Variants in SLC8A1 observed in about 807,000 individuals in gnomAD.
SLC8A1 encodes solute carrier family 8 member A1.
Under a neutral mutation model 68.3 loss-of-function variants are expected in SLC8A1, and 18 were observed. The observed-to-expected ratio is 0.26, with a 90% confidence interval of 0.18 to 0.39. SLC8A1 has a LOEUF of 0.39. Among genes scored for constraint, SLC8A1 ranks in the 10% least tolerant of loss-of-function variants. SLC8A1 has a pLI of 1.00. For missense variants in SLC8A1, 985 were observed against 1,156.7 expected (o/e 0.85, Z 2.15); for synonymous variants, 475 against 415.5 (o/e 1.14, Z -1.74).
At chr2:40,405,621 T>C (rs779389472) in intron 2 of SLC8A1, among the ~76,000 whole-genome samples, 5 of 152,212 alleles carry the variant, frequency 3.3e-5, no homozygotes, top group Admixed American at 6.5e-5. Flanking sequence ...TGGTGGTTTA[T>C]GGTTGGTTTG....
At chr2:40,154,246 T>C (rs1413129210) in intron 6 of SLC8A1, among the ~76,000 whole-genome samples, 2 of 151,544 alleles carry the variant, frequency 1.3e-5, no homozygotes, top group South Asian at 2.1e-4. Context: ...AGAAGCCAAA[T>C]GGTAACATTA....
intron 1 of SLC8A1, among the ~76,000 whole-genome samples, chr2:40,433,295 GAACAAGGT>G (rs1698742955): frequency 6.6e-6 from 1 of 152,084 alleles, no homozygotes; most frequent in Non-Finnish European, 1.5e-5. Context: ...CCCATTCCCT[GAACAAGGT>G]AACAATTTCT....
chr2:40,212,481 C>G (rs553301409), intron 2 of SLC8A1, among the ~76,000 whole-genome samples: 2 of 151,930 alleles, frequency 1.3e-5, no homozygotes, highest in African/African-American at 4.8e-5. Context: ...GACGGGGCTT[C>G]GCCATGTTGG....
chr2:40,348,173 A>G (rs1373075180), intron 2 of SLC8A1, among the ~76,000 whole-genome samples: 4 of 152,176 alleles, frequency 2.6e-5, no homozygotes, highest in Non-Finnish European at 5.9e-5. Flanking sequence ...TGCAGAGAGA[A>G]GATTGAACTG....
chr2:40,293,431 T>A (rs1311622248), intron 2 of SLC8A1, among the ~76,000 whole-genome samples: 1 of 152,184 alleles, frequency 6.6e-6, no homozygotes, highest in Non-Finnish European at 1.5e-5. Context: ...CTGTGTCCAG[T>A]TAAATAAACC....
At chr2:40,252,796 G>GTATACATATA (rs2062983566) in intron 2 of SLC8A1, among the ~76,000 whole-genome samples, 2 of 147,796 alleles carry the variant, frequency 1.4e-5, no homozygotes, top group African/African-American at 5.2e-5. Flanking sequence ...ATATATGTGT[G>GTATACATATA]TGTATATATG....
At chr2:40,184,993 A>C (rs1187820548) in intron 2 of SLC8A1, among the ~76,000 whole-genome samples, 2 of 152,106 alleles carry the variant, frequency 1.3e-5, no homozygotes, top group Non-Finnish European at 2.9e-5. Flanking sequence ...AATGGCCAAT[A>C]AGTACATAAA....
At chr2:40,322,972 C>T (rs928450617) in intron 2 of SLC8A1, among the ~76,000 whole-genome samples, 5 of 152,058 alleles carry the variant, frequency 3.3e-5, no homozygotes, top group African/African-American at 1.2e-4. Context: ...AAAGAAGAGG[C>T]ATATTCCATT....
chr2:40,335,431 T>A (rs1023144679), intron 2 of SLC8A1, among the ~76,000 whole-genome samples: 8 of 152,236 alleles, frequency 5.3e-5, no homozygotes, highest in Admixed American at 4.6e-4. Flanking sequence ...AAGTGGTTAG[T>A]CTATAACCAT....
chr2:40,436,731 T>A (rs1304978336), intron 1 of SLC8A1, among the ~76,000 whole-genome samples: 1 of 152,090 alleles, frequency 6.6e-6, no homozygotes, highest in Non-Finnish European at 1.5e-5. Flanking sequence ...ACCAAGCATT[T>A]AAATTTAAAT....
chr2:40,238,347 G>A (rs570251271), intron 2 of SLC8A1, among the ~76,000 whole-genome samples: 50 of 152,316 alleles, frequency 3.3e-4, no homozygotes, highest in Admixed American at 1.4e-3. Flanking sequence ...CGCAGTATTC[G>A]GGTGGGAGTG....
intron 2 of SLC8A1, among the ~76,000 whole-genome samples, chr2:40,386,866 A>T (rs1683727452): frequency 6.6e-6 from 1 of 151,244 alleles, no homozygotes. Flanking sequence ...ATGAATGACA[A>T]CAAACTACCA....
chr2:40,264,843 G>C (rs1250713973), intron 2 of SLC8A1, among the ~76,000 whole-genome samples: 1 of 55,136 alleles, frequency 1.8e-5, no homozygotes, highest in Admixed American at 1.2e-4. Flanking sequence ...AAAACTTAAA[G>C]TATAAAAAAA....
intron 2 of SLC8A1, among the ~76,000 whole-genome samples, chr2:40,236,431 T>G (rs2060381425): frequency 6.6e-6 from 1 of 152,214 alleles, no homozygotes; most frequent in Admixed American, 6.5e-5. Flanking sequence ...AACCCTGCCT[T>G]TTTTTGTTTT....
At chr2:40,444,083 TC>T (rs1460580397) in intron 1 of SLC8A1, among the ~76,000 whole-genome samples, 1 of 152,162 alleles carries the variant, frequency 6.6e-6, no homozygotes, top group African/African-American at 2.4e-5. Context: ...ATGACTATAA[TC>T]CCAGCACTTT....
intron 2 of SLC8A1, among the ~76,000 whole-genome samples, chr2:40,373,106 A>C (rs1335608819): frequency 6.6e-6 from 1 of 152,122 alleles, no homozygotes; most frequent in Non-Finnish European, 1.5e-5. Flanking sequence ...AATGTTTATA[A>C]TCATCAAAAT....
In SLC8A1 at chr2:40,398,330, G is replaced by A. The variant is rs747824745; in HGVS notation, c.1808+30143C>T. On this transcript the variant is annotated intron_variant, in intron 2 of 7. Transcript: ENST00000406785. ...GAGTCTTTTGACCTATGTTACTAAC[G>A]CGTGTATCATATCTAGATCCACTCC... is the stretch of plus-strand genomic sequence containing the variant. Among the ~76,000 whole-genome samples, 139 of 152,130 alleles carry A rather than the reference G, an allele frequency of 9.1e-4. 2 individuals are homozygous for A. Among genetic ancestry groups the A allele is most frequent in the East Asian group, 1.7e-3 (9 of 5,164 alleles).
At chr2:40,488,670 T>A in intron 1 of SLC8A1, among the ~76,000 whole-genome samples, 1 of 152,266 alleles carries the variant, frequency 6.6e-6, no homozygotes, top group Middle Eastern at 3.4e-3. Flanking sequence ...ATCTCCTAAT[T>A]CTTCCCACCT....
chr2:40,409,676 A>G (rs898702993), intron 2 of SLC8A1, among the ~76,000 whole-genome samples: 1 of 152,170 alleles, frequency 6.6e-6, no homozygotes, highest in Admixed American at 6.6e-5. Context: ...AATAAGAGCA[A>G]TAGCATGCTC....
Sources: gnomAD v4.1 joint callset for allele counts (sites outside exome capture counted in the v4.1 genomes callset) on GRCh38, gnomAD v4.1.1 for gene constraint, MANE v1.5 for transcripts, NCBI Gene and HGNC (gene_info 2026-07-23, HGNC 2026-07-21) for gene names.